Variants in C7orf78 observed in about 807,000 individuals in gnomAD.
C7orf78 encodes chromosome 7 open reading frame 78, also known as putative uncharacterized protein C7orf78.
At chr7:12,532,000 G>A in the C7orf78 span, among the ~76,000 whole-genome samples, 1 of 152,114 alleles carries the variant, frequency 6.6e-6, no homozygotes, top group African/African-American at 2.4e-5. Context: ...GCCTAGGCTG[G>A]CCACCCCACC....
the C7orf78 span, among the ~76,000 whole-genome samples, chr7:12,496,884 G>A: frequency 2.6e-5 from 4 of 152,036 alleles, 1 homozygote; most frequent in Admixed American, 6.5e-5. Context: ...CTTTACTGCC[G>A]TTTTCATTAG....
the C7orf78 span, among the ~76,000 whole-genome samples, chr7:12,519,635 G>T: frequency 6.6e-6 from 1 of 152,190 alleles, no homozygotes; most frequent in South Asian, 2.1e-4. Context: ...CAGAAAGAAA[G>T]CTCATCAGCT....
At chr7:12,499,798 C>A in the C7orf78 span, among the ~76,000 whole-genome samples, 1 of 150,378 alleles carries the variant, frequency 6.6e-6, no homozygotes, top group Non-Finnish European at 1.5e-5. Context: ...CACCACACCA[C>A]ACCTATTCCA....
chr7:12,490,495 T>A, the C7orf78 span, among the ~76,000 whole-genome samples: 1 of 152,088 alleles, frequency 6.6e-6, no homozygotes, highest in Non-Finnish European at 1.5e-5. Flanking sequence ...AAGATTTTTA[T>A]TAAAAAGTTA....
At chr7:12,498,428 G>A in the C7orf78 span, among the ~76,000 whole-genome samples, 51 of 151,306 alleles carry the variant, frequency 3.4e-4, no homozygotes, top group African/African-American at 8.2e-4. Context: ...CGAGAACTAC[G>A]TGAAGAATGC....
At chr7:12,490,851 C>A in the C7orf78 span, among the ~76,000 whole-genome samples, 4 of 151,892 alleles carry the variant, frequency 2.6e-5, no homozygotes, top group Non-Finnish European at 4.4e-5. Flanking sequence ...ATTGGAAGAC[C>A]TAGCCATCAT....
At chr7:12,515,943 A>T in the C7orf78 span, among the ~76,000 whole-genome samples, 2 of 152,194 alleles carry the variant, frequency 1.3e-5, no homozygotes, top group East Asian at 3.9e-4. Flanking sequence ...AAGTTCAGAA[A>T]ATTTGCAGCC....
chr7:12,530,699 AT>A, the C7orf78 span, among the ~76,000 whole-genome samples: 67 of 152,180 alleles, frequency 4.4e-4, no homozygotes, highest in Non-Finnish European at 4.4e-5. Flanking sequence ...ATTGTAAGAA[AT>A]TTTTCCCAAA....
At chr7:12,510,180 TG>T in the C7orf78 span, among the ~76,000 whole-genome samples, 139,359 of 150,658 alleles carry the variant, frequency 0.93, 64,120 homozygotes, top group East Asian at 1. Flanking sequence ...TTTGGGAGGG[TG>T]GGGGGGTTTC....
At chr7:12,489,122 T>C in the C7orf78 span, among the ~76,000 whole-genome samples, 1 of 152,074 alleles carries the variant, frequency 6.6e-6, no homozygotes, top group African/African-American at 2.4e-5. Flanking sequence ...TATTAAAATA[T>C]CATTTTCATA....
the C7orf78 span, among the ~76,000 whole-genome samples, chr7:12,517,287 T>G: frequency 3.9e-5 from 6 of 152,248 alleles, no homozygotes; most frequent in East Asian, 7.7e-4. Context: ...ATGTAAGAAG[T>G]GCCTTTCACC....
chr7:12,530,390 C>A, the C7orf78 span: 1 of 152,138 alleles, frequency 6.6e-6, no homozygotes, highest in Non-Finnish European at 1.5e-5. Flanking sequence ...CCTCCAGGGC[C>A]TGCTATCTGT....
chr7:12,535,588 T>C, the C7orf78 span, among the ~76,000 whole-genome samples: 123,531 of 152,114 alleles, frequency 0.81, 50,350 homozygotes, highest in East Asian at 0.92. Flanking sequence ...ACCAATCATG[T>C]CTTCCCAACA....
At chr7:12,521,943 A>G in the C7orf78 span, among the ~76,000 whole-genome samples, 6 of 151,986 alleles carry the variant, frequency 3.9e-5, no homozygotes, top group Non-Finnish European at 8.8e-5. Flanking sequence ...AATATGGCAT[A>G]GCCCTTTATA....
chr7:12,529,701 G>C, the C7orf78 span, among the ~76,000 whole-genome samples: 14 of 152,208 alleles, frequency 9.2e-5, no homozygotes, highest in Non-Finnish European at 1.9e-4. Flanking sequence ...GAGGCTTCCA[G>C]GTCATAAGTA....
the C7orf78 span, among the ~76,000 whole-genome samples, chr7:12,502,796 C>T: frequency 3.9e-4 from 51 of 131,256 alleles, 1 homozygote; most frequent in African/African-American, 9.4e-4. Context: ...ATGTTTATTG[C>T]GGCATCATTC....
chr7:12,510,874 C>A, the C7orf78 span, among the ~76,000 whole-genome samples: 2 of 152,110 alleles, frequency 1.3e-5, no homozygotes, highest in African/African-American at 4.8e-5. Context: ...TTTTGCTGTG[C>A]AGAGCCTTTT....
At chr7:12,517,896 A>G in the C7orf78 span, among the ~76,000 whole-genome samples, 1 of 151,678 alleles carries the variant, frequency 6.6e-6, no homozygotes, top group African/African-American at 2.4e-5. Context: ...AATTTTTTTG[A>G]TTGGGATCTG....
the C7orf78 span, among the ~76,000 whole-genome samples, chr7:12,523,980 A>G: frequency 6.6e-6 from 1 of 152,190 alleles, no homozygotes; most frequent in African/African-American, 2.4e-5. Flanking sequence ...AAATGTGAAT[A>G]TATTCTGTTC....
Sources: allele counts gnomAD v4.1 joint callset (sites outside exome capture counted in the v4.1 genomes callset), GRCh38; gene constraint gnomAD v4.1.1; transcripts MANE v1.5; gene names NCBI Gene and HGNC (gene_info 2026-07-23, HGNC 2026-07-21).